Variants in TAMM41 observed in about 807,000 individuals in gnomAD.
The protein encoded by TAMM41 is phosphatidate cytidylyltransferase, mitochondrial.
TAMM41 carries 36 observed loss-of-function variants against 44.1 expected under a neutral mutation model. The ratio of observed to expected loss-of-function variants is 0.82; its 90% CI spans 0.63 to 1.08. TAMM41 has a LOEUF of 1.08. Among genes scored for constraint, TAMM41 ranks in the 50% least tolerant of loss-of-function variants. The probability of loss-of-function intolerance (pLI) is 0.00; values close to 1 mark genes in which losing one functional copy is unlikely to be tolerated. For missense variants in TAMM41, 417 were observed against 404.3 expected, an observed-to-expected ratio of 1.03 and a Z score of -0.27; for synonymous variants, 164 against 153.1, an observed-to-expected ratio of 1.07 and a Z score of -0.53.
intron 1 of TAMM41, among the ~76,000 whole-genome samples, chr3:11,846,074 G>A (rs193080754): frequency 2.0e-5 from 3 of 152,226 alleles, no homozygotes; most frequent in African/African-American, 4.8e-5. Context: ...CACCTGGGAC[G>A]TTTCTTAAAT....
chr3:11,837,236 G>C (rs764196184), intron 3 of TAMM41, among the ~76,000 whole-genome samples: 80 of 152,060 alleles, frequency 5.3e-4, no homozygotes, highest in Non-Finnish European at 1.0e-3. Context: ...ATCACTGTTG[G>C]GGGAGACACT....
the TAMM41 span, among the ~76,000 whole-genome samples, chr3:11,756,949 A>G: frequency 1.3e-5 from 2 of 152,212 alleles, no homozygotes; most frequent in African/African-American, 4.8e-5. Flanking sequence ...TTCCTGTCAG[A>G]AAGGATACTA....
At chr3:11,738,476 A>G in the TAMM41 span, among the ~76,000 whole-genome samples, 1 of 152,190 alleles carries the variant, frequency 6.6e-6, no homozygotes, top group Non-Finnish European at 1.5e-5. Flanking sequence ...CAACTTTCAA[A>G]TTGGCTAATG....
At chr3:11,808,075 C>A in intron 6 of TAMM41, 180 bp from the exon 7 acceptor site, 2 of 1,242,742 alleles carry the variant, frequency 1.6e-6, no homozygotes, top group Non-Finnish European at 2.1e-6. Flanking sequence ...GGCCAGGAGA[C>A]CAGAGCAGCC....
chr3:11,819,025 CT>C (rs1185864008), intron 4 of TAMM41, among the ~76,000 whole-genome samples: 5 of 152,006 alleles, frequency 3.3e-5, no homozygotes, highest in Non-Finnish European at 7.4e-5. Flanking sequence ...TATGGATGAA[CT>C]TGTTTTTGTC....
chr3:11,790,927 G>A (rs773804392), intron 7 of TAMM41, among the ~76,000 whole-genome samples: 12 of 152,144 alleles, frequency 7.9e-5, no homozygotes, highest in Non-Finnish European at 1.5e-4. Flanking sequence ...CTGGGTCCCC[G>A]TTCTCTCAGG....
chr3:11,814,338 T>C (rs577542356), intron 5 of TAMM41, among the ~76,000 whole-genome samples: 162 of 152,206 alleles, frequency 1.1e-3, no homozygotes, highest in African/African-American at 3.8e-3. Context: ...TCAAAAGTTA[T>C]AATAAAGATC....
chr3:11,764,884 C>T, the TAMM41 span, among the ~76,000 whole-genome samples: 1 of 152,188 alleles, frequency 6.6e-6, no homozygotes, highest in South Asian at 2.1e-4. Flanking sequence ...TAAAATACCA[C>T]AAGTCACACA....
intron 5 of TAMM41, chr3:11,809,916 G>T: frequency 5.5e-6 from 2 of 366,814 alleles, no homozygotes; most frequent in African/African-American, 2.1e-5. Context: ...TTCTACCTGA[G>T]AAAAGAATAG....
intron 5 of TAMM41, among the ~76,000 whole-genome samples, chr3:11,813,116 T>C (rs1036542910): frequency 6.6e-6 from 1 of 152,192 alleles, no homozygotes; most frequent in African/African-American, 2.4e-5. Context: ...CCTTTTCCCT[T>C]GTTCAGTTTC....
chr3:11,812,341 CA>C (rs781261623), intron 5 of TAMM41, among the ~76,000 whole-genome samples: 20 of 152,192 alleles, frequency 1.3e-4, no homozygotes, highest in Non-Finnish European at 2.6e-4. Flanking sequence ...TTTTATGTGT[CA>C]ACTCAGAGCA....
the TAMM41 span, among the ~76,000 whole-genome samples, chr3:11,735,547 A>T: frequency 1.3e-5 from 2 of 151,888 alleles, no homozygotes; most frequent in African/African-American, 2.4e-5. Context: ...AGGCGGGAGG[A>T]TCACTTGAGC....
chr3:11,772,879 G>C, the TAMM41 span, among the ~76,000 whole-genome samples: 1 of 152,146 alleles, frequency 6.6e-6, no homozygotes, highest in East Asian at 1.9e-4. Context: ...CCATCTTAAA[G>C]AACAGGAGGC....
intron 4 of TAMM41, among the ~76,000 whole-genome samples, chr3:11,819,803 T>G (rs1284455279): frequency 6.6e-6 from 1 of 152,090 alleles, no homozygotes; most frequent in African/African-American, 2.4e-5. Flanking sequence ...ACAAAGAGAC[T>G]ATATAAAAAT....
chr3:11,829,584 A>C, intron 4 of TAMM41, 130 bp downstream of exon 4: 1 of 1,039,200 alleles, frequency 9.6e-7, no homozygotes, highest in Non-Finnish European at 1.4e-6. Flanking sequence ...TTAGTGCAGG[A>C]ACCACTCAAG....
In TAMM41 at chr3:11,838,237, C is replaced by T. The variant is rs185819424; in HGVS notation, c.411+985G>A. 6.4e-3 allele frequency among the ~76,000 whole-genome samples: 972 copies of T among 152,254 alleles called. 11 individuals carry two copies. Among genetic ancestry groups the T allele is most frequent in the African/African-American group, 0.022 (924 of 41,534 alleles). ...TTTTTTGTTGCTGTTGTTTTTAAGACGGAGTCTCACTCTGTCGCCCAGGCT... is the reference window on the plus strand; with the variant it reads ...TTTTTTGTTGCTGTTGTTTTTAAGATGGAGTCTCACTCTGTCGCCCAGGCT... On this transcript the variant is annotated intron_variant, in intron 3 of 7. Transcript: ENST00000455809.
chr3:11,802,337 C>T (rs2077778537), intron 7 of TAMM41, among the ~76,000 whole-genome samples: 1 of 151,936 alleles, frequency 6.6e-6, no homozygotes, highest in African/African-American at 2.4e-5. Context: ...AGAAGAGATA[C>T]AAATAAACAC....
chr3:11,731,663 T>C, the TAMM41 span, among the ~76,000 whole-genome samples: 2 of 152,288 alleles, frequency 1.3e-5, no homozygotes, highest in Non-Finnish European at 2.9e-5. Context: ...TGTTTGTTTT[T>C]ATTTCCAGGG....
At chr3:11,797,445 T>C (rs942893186) in intron 7 of TAMM41, among the ~76,000 whole-genome samples, 1 of 152,218 alleles carries the variant, frequency 6.6e-6, no homozygotes, top group South Asian at 2.1e-4. Context: ...GTTAGCCATA[T>C]GCTGAAGATC....
Sources: gnomAD v4.1 joint callset for allele counts (sites outside exome capture counted in the v4.1 genomes callset) on GRCh38, gnomAD v4.1.1 for gene constraint, MANE v1.5 for transcripts, NCBI Gene and HGNC (gene_info 2026-07-23, HGNC 2026-07-21) for gene names.